NUBPL: variants seen among roughly 807,000 people sequenced by gnomAD.
The protein encoded by NUBPL is iron-sulfur cluster transfer protein NUBPL.
Under a neutral mutation model 45.7 loss-of-function variants are expected in NUBPL, and 31 were observed. The ratio of observed to expected loss-of-function variants is 0.68; its 90% CI spans 0.51 to 0.92. The LOEUF (loss-of-function observed/expected upper bound fraction) is 0.92, where lower values mean the gene tolerates loss of function less well. Ranked by LOEUF, NUBPL falls within the 40% of genes least tolerant of loss-of-function variation. NUBPL has a pLI of 0.00. For synonymous variants in NUBPL, 144 were observed against 140.9 expected, an observed-to-expected ratio of 1.02 and a Z score of -0.15; for missense variants, 401 against 398.7, an observed-to-expected ratio of 1.01 and a Z score of -0.05.
intron 4 of NUBPL, among the ~76,000 whole-genome samples, chr14:31,669,236 G>T (rs533345073): frequency 7.9e-5 from 12 of 152,164 alleles, no homozygotes; most frequent in Admixed American, 3.3e-4. Flanking sequence ...TATATGTATT[G>T]CATTGTATCA....
intron 7 of NUBPL, among the ~76,000 whole-genome samples, chr14:31,815,260 T>C (rs998820288): frequency 5.3e-5 from 8 of 152,164 alleles, no homozygotes; most frequent in Non-Finnish European, 1.2e-4. Flanking sequence ...TTCACATCCC[T>C]TGTAAATTGG....
intron 6 of NUBPL, among the ~76,000 whole-genome samples, chr14:31,782,684 T>C (rs1400033164): frequency 6.6e-6 from 1 of 150,776 alleles, no homozygotes; most frequent in African/African-American, 2.4e-5. Context: ...TCCCAGCTAC[T>C]GGGGAGGCAA....
chr14:31,852,295 C>T (rs1486414603), intron 10 of NUBPL, among the ~76,000 whole-genome samples: 1 of 152,222 alleles, frequency 6.6e-6, no homozygotes, highest in Non-Finnish European at 1.5e-5. Context: ...CTAAATGTCT[C>T]TCCTCTTCCC....
intron 7 of NUBPL, among the ~76,000 whole-genome samples, chr14:31,790,502 T>TGTCCATCACC (rs2039360442): frequency 1.3e-5 from 2 of 152,208 alleles, no homozygotes; most frequent in African/African-American, 4.8e-5. Flanking sequence ...CAGCCATCAC[T>TGTCCATCACC]ACTGTCCATC....
At chr14:31,681,991 C>A (rs1056811740) in intron 6 of NUBPL, among the ~76,000 whole-genome samples, 1 of 152,068 alleles carries the variant, frequency 6.6e-6, no homozygotes, top group East Asian at 1.9e-4. Context: ...GCTTTTGGAA[C>A]GACTGCATTT....
chr14:31,618,956 C>T (rs185111766), intron 4 of NUBPL, among the ~76,000 whole-genome samples: 16 of 152,156 alleles, frequency 1.1e-4, no homozygotes, highest in South Asian at 4.1e-4. Flanking sequence ...ACTTGCTTTA[C>T]GAATCTGGGT....
rs2033643344 is a variant in NUBPL, at chr14:31,573,532, A to G, written c.291+8484A>G. Among the ~76,000 whole-genome samples, 3 of 152,222 alleles carry G rather than the reference A, an allele frequency of 2.0e-5. No homozygotes were observed. The South Asian group carries it at 6.2e-4, about 32-fold the overall frequency. On this transcript the variant is annotated intron_variant, in intron 3 of 10. Coordinates refer to ENST00000281081, the MANE Select transcript of NUBPL (RefSeq NM_025152.3). Reference sequence around the variant, plus strand: ...TCATCCCTGTGACTGTCTTTGTCTCATGGAAGTCTGTCTACCTATCTATGT... The same window carrying G: ...TCATCCCTGTGACTGTCTTTGTCTCGTGGAAGTCTGTCTACCTATCTATGT...
chr14:31,674,469 C>G (rs1348316585), intron 6 of NUBPL, among the ~76,000 whole-genome samples: 1 of 151,992 alleles, frequency 6.6e-6, no homozygotes, highest in East Asian at 1.9e-4. Context: ...GATTTTTGGT[C>G]CTAGTCATTT....
chr14:31,736,002 A>G (rs2038158291), intron 6 of NUBPL, among the ~76,000 whole-genome samples: 1 of 152,212 alleles, frequency 6.6e-6, no homozygotes, highest in African/African-American at 2.4e-5. Flanking sequence ...AACTTGTTAC[A>G]ATAGGTATAT....
At chr14:31,718,518 C>T (rs146555209) in intron 6 of NUBPL, among the ~76,000 whole-genome samples, 96 of 152,120 alleles carry the variant, frequency 6.3e-4, no homozygotes, top group African/African-American at 2.1e-3. Flanking sequence ...TTTTAATATA[C>T]ATGTGGTTTC....
intron 6 of NUBPL, among the ~76,000 whole-genome samples, chr14:31,674,562 T>TC (rs2036647373): frequency 6.6e-6 from 1 of 152,096 alleles, no homozygotes; most frequent in Non-Finnish European, 1.5e-5. Context: ...AACCACCCCA[T>TC]CCCCACCAAT....
chr14:31,636,839 A>G (rs1450153685), intron 4 of NUBPL, among the ~76,000 whole-genome samples: 1 of 152,170 alleles, frequency 6.6e-6, no homozygotes, highest in Non-Finnish European at 1.5e-5. Context: ...GTGTCGAGGA[A>G]TTTATCCATT....
intron 6 of NUBPL, among the ~76,000 whole-genome samples, chr14:31,713,700 G>A (rs2037626830): frequency 6.6e-6 from 1 of 152,096 alleles, no homozygotes; most frequent in Non-Finnish European, 1.5e-5. Flanking sequence ...TTAGAAACCT[G>A]TTATTCTAGG....
At chr14:31,751,278 A>G (rs2038522836) in intron 6 of NUBPL, among the ~76,000 whole-genome samples, 1 of 152,232 alleles carries the variant, frequency 6.6e-6, no homozygotes, top group South Asian at 2.1e-4. Context: ...TTCCAGCATT[A>G]ACTTAAAGGT....
intron 3 of NUBPL, among the ~76,000 whole-genome samples, chr14:31,570,233 A>G (rs1052018489): frequency 1.3e-5 from 2 of 152,298 alleles, no homozygotes; most frequent in African/African-American, 2.4e-5. Flanking sequence ...TTATGTGTCT[A>G]TATTTTTTTG....
intron 2 of NUBPL, among the ~76,000 whole-genome samples, chr14:31,563,778 C>G (rs1324057563): frequency 6.6e-6 from 1 of 152,194 alleles, no homozygotes; most frequent in South Asian, 2.1e-4. Flanking sequence ...GAATTGCCCT[C>G]TGAAAGTTTC....
chr14:31,818,348 A>G (rs540492406), intron 7 of NUBPL, among the ~76,000 whole-genome samples: 15 of 152,300 alleles, frequency 9.8e-5, no homozygotes, highest in Admixed American at 3.3e-4. Context: ...AATCAACAGA[A>G]TATACGTTCT....
At chr14:31,808,908 A>C (rs1322569082) in intron 7 of NUBPL, among the ~76,000 whole-genome samples, 1 of 152,036 alleles carries the variant, frequency 6.6e-6, no homozygotes, top group Non-Finnish European at 1.5e-5. Flanking sequence ...TGTTTATGTG[A>C]TGGATTACGT....
intron 6 of NUBPL, among the ~76,000 whole-genome samples, chr14:31,749,474 T>G (rs560956420): frequency 6.6e-6 from 1 of 152,330 alleles, no homozygotes; most frequent in East Asian, 1.9e-4. Flanking sequence ...GGGTATAGTA[T>G]TCTTGTTTGG....
Sources: allele counts gnomAD v4.1 joint callset (sites outside exome capture counted in the v4.1 genomes callset), GRCh38; gene constraint gnomAD v4.1.1; transcripts MANE v1.5; gene names NCBI Gene and HGNC (gene_info 2026-07-23, HGNC 2026-07-21).